Variants in SLC66A1 observed in about 807,000 individuals in gnomAD.
The protein encoded by SLC66A1 is lysosomal amino acid transporter 1 homolog.
Under a neutral mutation model 33.0 loss-of-function variants are expected in SLC66A1, and 23 were observed. The ratio of observed to expected loss-of-function variants is 0.70; its 90% CI spans 0.50 to 0.99. SLC66A1 has a LOEUF of 0.99. Among genes scored for constraint, SLC66A1 ranks in the 50% least tolerant of loss-of-function variants. The pLI is 0.00. For missense variants in SLC66A1, 335 were observed against 383.6 expected, an observed-to-expected ratio of 0.87 and a Z score of 1.06; for synonymous variants, 164 against 175.5, an observed-to-expected ratio of 0.93 and a Z score of 0.52.
Position 19,328,642 on chromosome 1 carries a change from G to T in SLC66A1, c.875G>T (p.Ter292LeuextTer5). 3 of 1,613,676 alleles carry T rather than the reference G, an allele frequency of 1.9e-6. No homozygotes were observed. In the East Asian group the frequency reaches 6.7e-5, roughly 36 times the overall value. ...ASELEPLLPS[*>L] Reference sequence around the variant, plus strand: ...GAGCTTGAGCCCCTCCTCCCCAGCTGACCAGAACCAGGCTGAGCGCAGGAG... The same window carrying T: ...GAGCTTGAGCCCCTCCTCCCCAGCTTACCAGAACCAGGCTGAGCGCAGGAG... The change falls in exon 8 of 8, where the codon TGA becomes TTA. Residue 292 changes from the stop codon to leucine, a stop_lost. Transcript: ENST00000375153. The surrounding 1 kb of genome is among the most constrained non-coding windows in gnomAD (Gnocchi z 4.7).
In SLC66A1 at chr1:19,315,918, G is replaced by A. The variant is rs559103063; in HGVS notation, c.-78-1682G>A. 2.0e-4 allele frequency among the ~76,000 whole-genome samples: 31 copies of A among 152,318 alleles called. 1 individual carries two copies. Among genetic ancestry groups the A allele is most frequent in the Middle Eastern group, 3.4e-3 (1 of 294 alleles). ...TTCCGCACTCTGGCTCAGGCTCCTT[G>A]TGGATATCAGTGGTCCCCACTTCAT... On this transcript the variant is annotated intron_variant, in intron 1 of 7. Transcript: ENST00000375153.
Position 19,324,761 on chromosome 1 carries a change from A to T in SLC66A1, c.293A>T (p.Gln98Leu). The change falls in exon 3 of 8, where the codon CAG becomes CTG. Residue 98 changes from glutamine to leucine, a missense_variant and splice_region_variant. Transcript: ENST00000375153. ...TTCCTTGCTGACCAGCTGCCCCTGC[A>T]GGTGGGCCGGTACCCGGGCAAGGTG... ...GSFLADQLPL[Q>L]TYTAVYYVLA... The T allele has an allele frequency of 6.2e-7, 1 of 1,614,066 alleles. No homozygotes were observed. The highest frequency in any genetic ancestry group is 1.3e-5 in the African/African-American group (1 of 75,076).
Position 19,328,834 on chromosome 1 carries a change from C to CGG in SLC66A1, c.*192_*193dup, listed in dbSNP as rs2093883699. The CGG allele has an allele frequency of 4.7e-6, 3 of 638,538 alleles. No homozygotes were observed. In the South Asian group the frequency reaches 5.8e-5, roughly 12 times the overall value. The allele number at this position is 638,538 out of a possible 1,614,324, so 39.6% of individuals were successfully genotyped here. A position where few individuals can be genotyped will look rare whatever the true frequency, so the allele number is the denominator to read the frequency against. On this transcript the variant is annotated 3_prime_UTR_variant, in exon 8 of 8. Transcript: ENST00000375153. The surrounding 1 kb of genome is among the most constrained non-coding windows in gnomAD (Gnocchi z 4.7). Reference sequence around the variant, plus strand: ...CGAAGCCTCAAGGCCGGGGCTGGAGCGGAGACCCCAGGGCCTCTCAGGAGA... The same window carrying CGG: ...CGAAGCCTCAAGGCCGGGGCTGGAGCGGGGAGACCCCAGGGCCTCTCAGGAGA...
Position 19,317,795 on chromosome 1 carries a change from G to A in SLC66A1, c.118G>A (p.Gly40Ser). The A allele has an allele frequency of 1.2e-6, 2 of 1,614,168 alleles. No homozygotes were observed. The highest frequency in any genetic ancestry group is 1.7e-6 in the Non-Finnish European group (2 of 1,180,026). Residue 40 changes from glycine to serine, a missense_variant, in exon 2 of 8, where the codon GGC (glycine) becomes AGC (serine). Coordinates refer to ENST00000375153, the MANE Select transcript of SLC66A1 (RefSeq NM_001040125.2). The part of the protein sequence containing the change: ...AQDGWDEASV[G>S]LGLISILCFA... ...GGACGGCTGGGACGAGGCCAGCGTG[G>A]GCCTGGGCTTGATCTCCATTCTCTG...
chr1:19,324,698 G>A lies in SLC66A1; in HGVS notation c.230G>A (p.Gly77Asp). The change falls in exon 3 of 8, where the codon GGC becomes GAC. Residue 77 changes from glycine to aspartate, a missense_variant. Coordinates refer to ENST00000375153, the MANE Select transcript of SLC66A1 (RefSeq NM_001040125.2). ...DQALSLWFLLGWIGGDSCNLI... is the reference protein window; with the variant it reads ...DQALSLWFLLDWIGGDSCNLI... ...GCGCTGTCCCTGTGGTTCCTCCTGG[G>A]CTGGATTGGCGGAGACTCCTGCAAC... The A allele has an allele frequency of 6.2e-7, 1 of 1,614,216 alleles. No homozygotes were observed. Among genetic ancestry groups the A allele is most frequent in the Non-Finnish European group, 8.5e-7 (1 of 1,180,030 alleles).
downstream of SLC66A1, among the ~76,000 whole-genome samples, chr1:19,333,935 A>AAACAAAACACAACAC (rs112328081): frequency 1.1e-4 from 12 of 111,228 alleles, no homozygotes; most frequent in African/African-American, 4.0e-4. This position sits in a 1 kb window ranked among gnomAD's most constrained non-coding sequence, Gnocchi z 4.2. Flanking sequence ...AAACAAAACA[A>AAACAAAACACAACAC]AACACAGGAA....
At chr1:19,331,625 G>A (rs551452619), downstream of SLC66A1, among the ~76,000 whole-genome samples, 6 of 152,286 alleles carry the variant, frequency 3.9e-5, no homozygotes, top group South Asian at 8.3e-4. Flanking sequence ...CCCCAGGCCC[G>A]AAGCCCCAGC....
intron 2 of SLC66A1, among the ~76,000 whole-genome samples, chr1:19,324,280 A>G (rs1229160522): frequency 6.6e-6 from 1 of 152,174 alleles, no homozygotes; most frequent in Non-Finnish European, 1.5e-5. Flanking sequence ...CCAGGGTTCT[A>G]TGCAGCGGTT....
chr1:19,314,219 G>T (rs1447175643), intron 1 of SLC66A1, among the ~76,000 whole-genome samples: 1 of 152,172 alleles, frequency 6.6e-6, no homozygotes, highest in East Asian at 1.9e-4. Flanking sequence ...AGAGTGTCCC[G>T]AGCTCCACAT....
chr1:19,328,028 C>CT lies in SLC66A1; in HGVS notation c.805-543dup. 1 of 244,398 alleles carries CT rather than the reference C, an allele frequency of 4.1e-6. No individual in the cohort carries two copies. 15.1% of individuals were successfully genotyped at this position (244,398 alleles called of 1,614,324 possible). A position where few individuals can be genotyped will look rare whatever the true frequency, so the allele number is the denominator to read the frequency against. ...CTTCACCTCAGTTAACAGCCACTGTCTCGTCAGGATGTTGTGTAAGATGAG... is the reference window on the plus strand; with the variant it reads ...CTTCACCTCAGTTAACAGCCACTGTCTTCGTCAGGATGTTGTGTAAGATGAG... On this transcript the variant is annotated intron_variant, in intron 7 of 7. Coordinates refer to ENST00000375153, the MANE Select transcript of SLC66A1 (RefSeq NM_001040125.2). The surrounding 1 kb of genome is among the most constrained non-coding windows in gnomAD (Gnocchi z 4.7).
downstream of SLC66A1, among the ~76,000 whole-genome samples, chr1:19,329,739 TA>T (rs2093887383): frequency 6.6e-6 from 1 of 152,200 alleles, no homozygotes. Flanking sequence ...AAGGGCTCAA[TA>T]AAGGTTAGTT....
At chr1:19,329,667 C>G (rs899372156), downstream of SLC66A1, among the ~76,000 whole-genome samples, 1 of 152,236 alleles carries the variant, frequency 6.6e-6, no homozygotes, top group Non-Finnish European at 1.5e-5. Flanking sequence ...TTTCCTGTGT[C>G]CTTTCAAGGA....
At chr1:19,325,967 C>T (rs770092375) in intron 4 of SLC66A1, among the ~76,000 whole-genome samples, 2 of 152,186 alleles carry the variant, frequency 1.3e-5, no homozygotes, top group Non-Finnish European at 2.9e-5. Context: ...TATACAGACA[C>T]GGGGAGGGAC....
chr1:19,325,393 C>T, intron 3 of SLC66A1, 102 bp from the exon 4 acceptor site: 2 of 763,692 alleles, frequency 2.6e-6, no homozygotes, highest in South Asian at 3.2e-5. Flanking sequence ...GGAGAAGTGA[C>T]TTGGTCCGGG....
rs2093812434 is a variant in SLC66A1 at position 19,317,592 on chromosome 1, C to T, written c.-78-8C>T. The T allele has an allele frequency of 1.3e-6, 2 of 1,543,928 alleles. No individual in the cohort carries two copies. Among genetic ancestry groups the T allele is most frequent in the Non-Finnish European group, 1.7e-6 (2 of 1,147,442 alleles). On this transcript the variant is annotated splice_polypyrimidine_tract_variant and splice_region_variant and intron_variant, in intron 1 of 7. Transcript: ENST00000375153. ...AGTGCTGAAAGCCTCCTCCCTTCCTCCCTGTAGAACCCTTGCTGGCCTCAG... is the reference window on the plus strand; with the variant it reads ...AGTGCTGAAAGCCTCCTCCCTTCCTTCCTGTAGAACCCTTGCTGGCCTCAG...
intron 1 of SLC66A1, among the ~76,000 whole-genome samples, chr1:19,314,394 G>A (rs2093794426): frequency 2.0e-5 from 3 of 152,000 alleles, no homozygotes; most frequent in South Asian, 2.1e-4. Context: ...GAGAGAGGCC[G>A]CAGGGGCCAT....
rs771042573 is a variant in SLC66A1 at position 19,329,044 on chromosome 1, G to A, written c.*401G>A. The A allele has an allele frequency of 7.6e-5, 16 of 211,910 alleles. No individual in the cohort carries two copies. Among genetic ancestry groups the A allele is most frequent in the South Asian group, 1.6e-4 (2 of 12,566 alleles). The allele number at this position is 211,910 out of a possible 1,614,324, so 13.1% of individuals were successfully genotyped here. On this transcript the variant is annotated 3_prime_UTR_variant, in exon 8 of 8. Coordinates refer to ENST00000375153, the MANE Select transcript of SLC66A1 (RefSeq NM_001040125.2). ...GGCCGAAGCGGGTGGACCACTTGAC[G>A]TCCGTAGTTCGAGACCAGCCTGGCC...
In SLC66A1 at chr1:19,328,443, G is replaced by C; in HGVS notation, c.805-129G>C. 1 of 824,312 alleles carries C rather than the reference G, an allele frequency of 1.2e-6. No homozygotes were observed. The highest frequency in any genetic ancestry group is 1.5e-5 in the South Asian group (1 of 67,724). The allele number at this position is 824,312 out of a possible 1,614,324, so 51.1% of individuals were successfully genotyped here. A position where few individuals can be genotyped will look rare whatever the true frequency, so the allele number is the denominator to read the frequency against. ...AGGTAGCGGCTGGGAGGTTATGGCTGGCCCTTCCCACCTGCAGCGTGGGGG... is the reference window on the plus strand; with the variant it reads ...AGGTAGCGGCTGGGAGGTTATGGCTCGCCCTTCCCACCTGCAGCGTGGGGG... On this transcript the variant is annotated intron_variant, in intron 7 of 7. Coordinates refer to ENST00000375153, the MANE Select transcript of SLC66A1 (RefSeq NM_001040125.2). The surrounding 1 kb of genome is among the most constrained non-coding windows in gnomAD (Gnocchi z 4.7).
chr1:19,333,135 GC>G (rs1161635305), downstream of SLC66A1, among the ~76,000 whole-genome samples: 4 of 152,216 alleles, frequency 2.6e-5, no homozygotes, highest in Non-Finnish European at 5.9e-5. This position sits in a 1 kb window ranked among gnomAD's most constrained non-coding sequence, Gnocchi z 4.2. Context: ...GGTCCTGGCA[GC>G]CCTGTGCCGA....
Sources: gnomAD v4.1 joint callset for allele counts (sites outside exome capture counted in the v4.1 genomes callset) on GRCh38, gnomAD v4.1.1 for gene constraint, Gnocchi (gnomAD v3.1) non-coding constraint, MANE v1.5 for transcripts, NCBI Gene and HGNC (gene_info 2026-07-23, HGNC 2026-07-21) for gene names.